AOPEP: variants seen among roughly 807,000 people sequenced by gnomAD.
AOPEP encodes the protein aminopeptidase O.
Under a neutral mutation model 98.1 loss-of-function variants are expected in AOPEP, and 77 were observed. That is an observed-to-expected ratio of 0.78 (90% CI 0.65 to 0.95). The LOEUF is 0.95. Ranked by LOEUF, AOPEP falls within the 40% of genes least tolerant of loss-of-function variation. The pLI is 0.00. For synonymous variants in AOPEP, 346 were observed against 365.3 expected (o/e 0.95, Z 0.60); for missense variants, 1,024 against 1,024.7 (o/e 1.00, Z 0.01).
At chr9:94,766,883 C>G (rs1458587499) in intron 2 of AOPEP, among the ~76,000 whole-genome samples, 1 of 152,092 alleles carries the variant, frequency 6.6e-6, no homozygotes, top group African/African-American at 2.4e-5. Context: ...CTAAGGAGAA[C>G]TACTTTTTTC....
Position 94,955,208 on chromosome 9 carries a change from G to C in AOPEP, c.1693G>C (p.Asp565His). 1 of 1,613,306 alleles carries C rather than the reference G, an allele frequency of 6.2e-7. No homozygotes were observed. The highest frequency in any genetic ancestry group is 8.5e-7 in the Non-Finnish European group (1 of 1,179,768). ...PSKDKTGHTS[D>H]SGASVIKHGL... ...TAAAGACAAAACTGGCCACACAAGT[G>C]ACTCGGGAGCATCTGTTATCAAGCA... is the stretch of plus-strand genomic sequence containing the variant. Residue 565 changes from aspartate to histidine, a missense_variant, in exon 8 of 17, where the codon GAC becomes CAC. Asp to His is a moderately conservative substitution (Grantham distance 81). Transcript: ENST00000375315.
At chr9:95,139,795 G>A in the AOPEP span, among the ~76,000 whole-genome samples, 1 of 147,706 alleles carries the variant, frequency 6.8e-6, no homozygotes, top group Non-Finnish European at 1.5e-5. Context: ...TATGCCTTGT[G>A]CTGTATTGTT....
chr9:94,798,586 T>A (rs1051194259), intron 4 of AOPEP, among the ~76,000 whole-genome samples: 3 of 152,178 alleles, frequency 2.0e-5, no homozygotes, highest in African/African-American at 4.8e-5. Flanking sequence ...TAGAATGACC[T>A]TTTTGCAAAA....
intron 5 of AOPEP, among the ~76,000 whole-genome samples, chr9:94,922,465 C>G (rs1588901043): frequency 1.3e-5 from 2 of 152,222 alleles, no homozygotes; most frequent in Non-Finnish European, 2.9e-5. Context: ...AGCAGTATGT[C>G]TGGAATGTTA....
chr9:94,784,683 T>C (rs1239790742), intron 3 of AOPEP, among the ~76,000 whole-genome samples: 1 of 152,228 alleles, frequency 6.6e-6, no homozygotes, highest in Non-Finnish European at 1.5e-5. Context: ...TGGTGCAATC[T>C]TGGCCCACTG....
At chr9:95,032,328 G>A in intron 13 of AOPEP, among the ~76,000 whole-genome samples, 1 of 152,210 alleles carries the variant, frequency 6.6e-6, no homozygotes, top group Non-Finnish European at 1.5e-5. Flanking sequence ...CAGAAAGACT[G>A]GCAGACCTCG....
intron 5 of AOPEP, among the ~76,000 whole-genome samples, chr9:94,858,408 C>T (rs982266164): frequency 5.3e-5 from 8 of 152,194 alleles, no homozygotes; most frequent in African/African-American, 1.9e-4. Context: ...GATTCTGTCA[C>T]AGTTCTGGAG....
In AOPEP at chr9:94,837,490, C is replaced by T. The variant is rs548602663; in HGVS notation, c.1364+36488C>T. 1.1e-4 allele frequency among the ~76,000 whole-genome samples: 17 copies of T among 152,234 alleles called. 2 individuals carry two copies. The highest frequency in any genetic ancestry group is 1.5e-4 in the Non-Finnish European group (10 of 68,006). ...TCTGTAGTTCAGTATCCCTGATGAA[C>T]ATAGATAGAAAAATCCTTAACAGAA... On this transcript the variant is annotated intron_variant, in intron 5 of 16. Coordinates refer to ENST00000375315, the MANE Select transcript of AOPEP (RefSeq NM_001193329.3).
At chr9:94,800,014 A>G (rs1847863573) in intron 4 of AOPEP, among the ~76,000 whole-genome samples, 1 of 152,192 alleles carries the variant, frequency 6.6e-6, no homozygotes, top group African/African-American at 2.4e-5. Flanking sequence ...AGGTTCTAGG[A>G]ATTCTCTTTC....
chr9:95,031,908 C>T (rs2064341626), intron 13 of AOPEP, among the ~76,000 whole-genome samples: 1 of 152,132 alleles, frequency 6.6e-6, no homozygotes, highest in Non-Finnish European at 1.5e-5. Context: ...TGTTGCAGAG[C>T]CCCCGCCTCT....
At chr9:94,761,398 A>G (rs1838255954) in intron 2 of AOPEP, among the ~76,000 whole-genome samples, 1 of 152,104 alleles carries the variant, frequency 6.6e-6, no homozygotes, top group South Asian at 2.1e-4. Flanking sequence ...AACTTTATTG[A>G]TTCCTCCGTA....
At chr9:95,142,034 C>T in the AOPEP span, among the ~76,000 whole-genome samples, 1 of 138,002 alleles carries the variant, frequency 7.2e-6, no homozygotes, top group Admixed American at 7.6e-5. Context: ...CTCTTGTCGC[C>T]CAGGCTGGAG....
In AOPEP at chr9:94,979,851, C is replaced by T. The variant is rs889683384; in HGVS notation, c.1977+424C>T. On this transcript the variant is annotated intron_variant, in intron 11 of 16. Coordinates refer to ENST00000375315, the MANE Select transcript of AOPEP (RefSeq NM_001193329.3). ...CCCAACACAGGAGTTGGTTTGCTGC[C>T]GCCGTCGTCTGTCCTGCCCCATGGT... is the stretch of plus-strand genomic sequence containing the variant. 3.9e-5 allele frequency among the ~76,000 whole-genome samples: 6 copies of T among 152,286 alleles called. No individual in the cohort carries two copies. The South Asian group carries it at 8.3e-4, about 21-fold the overall frequency.
At chr9:95,123,248 G>A in the AOPEP span, 2 of 229,744 alleles carry the variant, frequency 8.7e-6, no homozygotes, top group Admixed American at 5.3e-5. Flanking sequence ...AGGCTGCAGT[G>A]AGCCATGATC....
the AOPEP span, among the ~76,000 whole-genome samples, chr9:95,133,790 G>A: frequency 6.6e-6 from 1 of 152,196 alleles, no homozygotes. Flanking sequence ...ATCCTAGTAT[G>A]CACATGTAAG....
intron 13 of AOPEP, among the ~76,000 whole-genome samples, chr9:95,052,879 A>G (rs2066502609): frequency 6.6e-6 from 1 of 152,222 alleles, no homozygotes; most frequent in South Asian, 2.1e-4. Flanking sequence ...ATCTGTTTAC[A>G]GAATATTTGG....
chr9:94,883,030 C>T (rs886261592), intron 5 of AOPEP, among the ~76,000 whole-genome samples: 1 of 152,086 alleles, frequency 6.6e-6, no homozygotes, highest in Non-Finnish European at 1.5e-5. Context: ...GATGCTATAC[C>T]CAGTGCAGTA....
At chr9:94,796,112 A>G (rs181937647) in intron 4 of AOPEP, among the ~76,000 whole-genome samples, 1 of 152,274 alleles carries the variant, frequency 6.6e-6, no homozygotes, top group African/African-American at 2.4e-5. Flanking sequence ...GCAGATTCAA[A>G]AGAGAAAGCC....
chr9:94,789,271 C>T (rs1019458828), intron 3 of AOPEP, among the ~76,000 whole-genome samples: 38 of 152,278 alleles, frequency 2.5e-4, no homozygotes, highest in African/African-American at 8.7e-4. Flanking sequence ...AAGGTGGCCT[C>T]GGCCTCATAC....
Sources: gnomAD v4.1 joint callset for allele counts (sites outside exome capture counted in the v4.1 genomes callset) on GRCh38, gnomAD v4.1.1 for gene constraint, MANE v1.5 for transcripts, NCBI Gene and HGNC (gene_info 2026-07-23, HGNC 2026-07-21) for gene names.